Variants in P2RX7 observed in about 807,000 individuals in gnomAD.
P2RX7 encodes the protein purinergic receptor P2X 7.
A neutral mutation model predicts 71.6 loss-of-function variants in P2RX7; 62 were observed. The observed-to-expected ratio is 0.87, with a 90% CI of 0.71 to 1.07. P2RX7 has a LOEUF of 1.07. Ranked by LOEUF, P2RX7 falls within the 50% of genes least tolerant of loss-of-function variation. P2RX7 has a pLI of 0.00. For synonymous variants in P2RX7, 299 were observed against 283.3 expected (o/e 1.06, Z -0.56); for missense variants, 686 against 748.5 (o/e 0.92, Z 0.97).
chr12:121,180,247 T>C, intron 11 of P2RX7, 107 bp from the exon 12 acceptor site: 1 of 523,212 alleles, frequency 1.9e-6, no homozygotes, highest in African/African-American at 1.9e-5. Context: ...AGCCAGCTTG[T>C]TCAATAGTCT....
chr12:121,184,385 G>A lies in P2RX7; in HGVS notation c.1371G>A (p.Glu457=), dbSNP rs1039326203. 3 of 1,614,144 alleles carry A rather than the reference G, an allele frequency of 1.9e-6. No homozygotes were observed. The highest frequency in any genetic ancestry group is 2.2e-5 in the South Asian group (2 of 91,080). ...CACCCCCGATTCCTGGACAACCAGA[G>A]GAGATACAGCTGCTTAGAAAGGAGG... ...HDTPPIPGQP[E]EIQLLRKEAT... Residue 457 remains glutamate (E), a synonymous_variant, in exon 13 of 13, where the codon GAG becomes GAA. Coordinates refer to ENST00000328963, the MANE Select transcript of P2RX7 (RefSeq NM_002562.6).
intron 8 of P2RX7, among the ~76,000 whole-genome samples, chr12:121,170,259 G>A: frequency 6.6e-6 from 1 of 152,212 alleles, no homozygotes; most frequent in East Asian, 1.9e-4. Context: ...GCCCTTCCAG[G>A]GTGTTTTTTT....
At chr12:121,178,791 CAAA>C (rs386377968) in intron 11 of P2RX7, among the ~76,000 whole-genome samples, 1 of 66,512 alleles carries the variant, frequency 1.5e-5, no homozygotes, top group Non-Finnish European at 2.8e-5. Context: ...AACTCTGTCT[CAAA>C]AAAAAAAAAA....
At chr12:121,174,168 G>T (rs573910973) in intron 8 of P2RX7, among the ~76,000 whole-genome samples, 1 of 147,944 alleles carries the variant, frequency 6.8e-6, no homozygotes, top group African/African-American at 2.5e-5. Context: ...GTGCCTCAGC[G>T]TCCTGAGTAG....
chr12:121,168,123 T>C (rs1055617168), intron 8 of P2RX7, among the ~76,000 whole-genome samples: 1 of 151,434 alleles, frequency 6.6e-6, no homozygotes, highest in African/African-American at 2.4e-5. Context: ...GATAATAGCA[T>C]ATATATATAT....
intron 8 of P2RX7, among the ~76,000 whole-genome samples, chr12:121,172,844 C>T (rs1433821430): frequency 1.3e-5 from 2 of 152,104 alleles, no homozygotes; most frequent in Admixed American, 1.3e-4. Flanking sequence ...TATTTTTTGG[C>T]AGAACATCTG....
chr12:121,157,820 C>A (rs543942547), intron 3 of P2RX7, among the ~76,000 whole-genome samples: 55 of 152,318 alleles, frequency 3.6e-4, no homozygotes, highest in African/African-American at 1.2e-3. Context: ...GGGCTGAGAA[C>A]AAAACCTAGC....
At position 121,185,008 on chromosome 12, in the gene P2RX7, C is replaced by A. The variant is rs1182725593; in HGVS notation, c.*206C>A. ...GCTGAGGCACAAGAATCACTTGAACCCGGGAGGCAGAGGTTGTAGTGAGCC... is the reference window on the plus strand; with the variant it reads ...GCTGAGGCACAAGAATCACTTGAACACGGGAGGCAGAGGTTGTAGTGAGCC... On this transcript the variant is annotated 3_prime_UTR_variant, in exon 13 of 13. Coordinates refer to ENST00000328963, the MANE Select transcript of P2RX7 (RefSeq NM_002562.6). 1.9e-6 allele frequency: 1 copy of A among 529,348 alleles called. No homozygotes were observed. Among genetic ancestry groups the A allele is most frequent in the Admixed American group, 3.3e-5 (1 of 30,566 alleles). 32.8% of individuals were successfully genotyped at this position (529,348 alleles called of 1,614,324 possible). A position where few individuals can be genotyped will look rare whatever the true frequency, so the allele number is the denominator to read the frequency against.
Position 121,184,903 on chromosome 12 carries a change from G to T in P2RX7, c.*101G>T. 1 of 896,956 alleles carries T rather than the reference G, an allele frequency of 1.1e-6. No homozygotes were observed. Among genetic ancestry groups the T allele is most frequent in the South Asian group, 1.8e-5 (1 of 56,182 alleles). 55.6% of individuals were successfully genotyped at this position (896,956 alleles called of 1,614,324 possible). ...AGTTGGAGACCCGCCTGGCTAACAAGGCGAAATCCTGTCTGTACTAAAAAT... is the reference window on the plus strand; with the variant it reads ...AGTTGGAGACCCGCCTGGCTAACAATGCGAAATCCTGTCTGTACTAAAAAT... On this transcript the variant is annotated 3_prime_UTR_variant, in exon 13 of 13. Coordinates refer to ENST00000328963, the MANE Select transcript of P2RX7 (RefSeq NM_002562.6).
chr12:121,147,509 A>G (rs918857449), intron 1 of P2RX7, among the ~76,000 whole-genome samples: 4 of 152,210 alleles, frequency 2.6e-5, no homozygotes, highest in African/African-American at 9.6e-5. Context: ...CTGGTTGACA[A>G]ATTATCACAA....
At chr12:121,143,543 G>A (rs1255854800) in intron 1 of P2RX7, among the ~76,000 whole-genome samples, 1 of 150,776 alleles carries the variant, frequency 6.6e-6, no homozygotes, top group African/African-American at 2.4e-5. Flanking sequence ...GACAGAGTGA[G>A]ACCCTATCTG....
intron 1 of P2RX7, among the ~76,000 whole-genome samples, chr12:121,151,099 C>G (rs556102882): frequency 6.6e-6 from 1 of 152,186 alleles, no homozygotes; most frequent in Admixed American, 6.5e-5. Context: ...GTGGCTGCAC[C>G]TGCAGCCTGA....
chr12:121,168,140 T>C (rs1881487059), intron 8 of P2RX7, among the ~76,000 whole-genome samples: 1 of 152,174 alleles, frequency 6.6e-6, no homozygotes. Flanking sequence ...ATATATCTTG[T>C]GGTATTCTGC....
At chr12:121,146,028 C>T (rs1448161958) in intron 1 of P2RX7, among the ~76,000 whole-genome samples, 1 of 152,194 alleles carries the variant, frequency 6.6e-6, no homozygotes, top group Non-Finnish European at 1.5e-5. Flanking sequence ...AAAGCTCGTT[C>T]TGCTCTGGGA....
At chr12:121,181,961 C>T (rs571141082) in intron 12 of P2RX7, among the ~76,000 whole-genome samples, 36 of 150,440 alleles carry the variant, frequency 2.4e-4, no homozygotes, top group South Asian at 4.2e-4. Flanking sequence ...CTACTCAGGA[C>T]GCTGAGGTGG....
chr12:121,175,759 T>C (rs571413164), intron 9 of P2RX7, among the ~76,000 whole-genome samples: 2 of 152,114 alleles, frequency 1.3e-5, no homozygotes, highest in South Asian at 4.2e-4. Context: ...TGTAAAATAG[T>C]TTGTAAGTAA....
At chr12:121,181,360 A>G (rs1183888721) in intron 12 of P2RX7, among the ~76,000 whole-genome samples, 2 of 152,218 alleles carry the variant, frequency 1.3e-5, no homozygotes, top group African/African-American at 2.4e-5. Context: ...TAACGCTGCT[A>G]TGCTCAACAT....
At chr12:121,176,548 C>T (rs1274184924) in intron 9 of P2RX7, among the ~76,000 whole-genome samples, 2 of 151,942 alleles carry the variant, frequency 1.3e-5, no homozygotes, top group Non-Finnish European at 2.9e-5. Flanking sequence ...GTCAGGAGCT[C>T]AAGACCAGCC....
At chr12:121,166,699 G>C (rs1881109537) in intron 7 of P2RX7, among the ~76,000 whole-genome samples, 1 of 151,976 alleles carries the variant, frequency 6.6e-6, no homozygotes, top group Admixed American at 6.6e-5. Flanking sequence ...TTACAAGAGG[G>C]GGCATTTAAG....
Sources: gnomAD v4.1 joint callset for allele counts (sites outside exome capture counted in the v4.1 genomes callset) on GRCh38, gnomAD v4.1.1 for gene constraint, MANE v1.5 for transcripts, NCBI Gene and HGNC (gene_info 2026-07-23, HGNC 2026-07-21) for gene names.